The following NRAP variants were observed in gnomAD, a reference collection of about 807,000 sequenced individuals.
NRAP encodes nebulin-related-anchoring protein.
NRAP carries 189 observed loss-of-function variants against 225.9 expected under a neutral mutation model. That is an observed-to-expected ratio of 0.84 (90% CI 0.74 to 0.94). The LOEUF (loss-of-function observed/expected upper bound fraction) is 0.94, where lower values mean the gene tolerates loss of function less well. Among genes scored for constraint, NRAP ranks in the 40% least tolerant of loss-of-function variants. The pLI, the probability that NRAP is intolerant of heterozygous loss-of-function variation, is 0.00. For synonymous variants in NRAP, 769 were observed against 790.7 expected (o/e 0.97, Z 0.46); for missense variants, 2,176 against 2,168.7 (o/e 1.00, Z -0.07).
intron 3 of NRAP, among the ~76,000 whole-genome samples, chr10:113,660,296 A>G (rs1850589451): frequency 6.6e-6 from 1 of 151,976 alleles, no homozygotes; most frequent in Non-Finnish European, 1.5e-5. Context: ...CACACATCAC[A>G]TACACACATA....
Position 113,663,443 on chromosome 10 carries a change from A to G in NRAP, c.76T>C (p.Trp26Arg). The G allele has an allele frequency of 6.3e-7, 1 of 1,583,304 alleles. No individual in the cohort carries two copies. The highest frequency in any genetic ancestry group is 8.7e-7 in the Non-Finnish European group (1 of 1,151,962). The change falls in exon 2 of 42, where the codon TGG becomes CGG. Residue 26 changes from tryptophan to arginine, a missense_variant. Trp to Arg is a moderately radical substitution (Grantham distance 101, BLOSUM62 -3). Around this residue, in one of 3 missense-constraint regions of NRAP, gnomAD observed 1,708 missense variants for 1,695.5 expected, o/e 1.01. Coordinates refer to ENST00000359988, the MANE Select transcript of NRAP (RefSeq NM_198060.4). ...AEKISCIDQI[W>R]HKACFHCEVC... is the part of the protein sequence containing the mutation. ...TCACAGTGAAAACAGGCTTTATGCC[A>G]TATCTAGAAATCATATAGAGAAGAT...
chr10:113,615,955 C>T (rs1847639771), intron 26 of NRAP, 139 bp from the exon 27 acceptor site: 2 of 649,208 alleles, frequency 3.1e-6, no homozygotes, highest in South Asian at 1.7e-5. Context: ...TGCCTCCACC[C>T]AGATTTTACA....
At position 113,622,005 on chromosome 10, in the gene NRAP, A is replaced by G. The variant is rs776572594; in HGVS notation, c.2633T>C (p.Val878Ala). 1.2e-5 allele frequency: 19 copies of G among 1,614,190 alleles called. No homozygotes were observed. In the Admixed American group the frequency reaches 3.0e-4, roughly 25 times the overall value. ...KSQCHVSLDM[V>A]HLVHARKAQH... ...AGCTTTGCGGGCATGCACGAGGTGG[A>G]CCATGTCCAGGGAGACGTGGCATTG... The change falls in exon 24 of 42, where the codon GTC (valine) becomes GCC (alanine). Residue 878 changes from valine to alanine, a missense_variant. Val to Ala is a moderately conservative substitution (Grantham distance 64, BLOSUM62 0). Around this residue, in one of 3 missense-constraint regions of NRAP, gnomAD observed 1,708 missense variants for 1,695.5 expected, o/e 1.01. Transcript: ENST00000359988.
intron 28 of NRAP, 124 bp from the exon 29 acceptor site, chr10:113,614,420 G>T: frequency 1.4e-6 from 1 of 709,110 alleles, no homozygotes. Context: ...AAAAGAAAAT[G>T]CGCGGGAGTC....
chr10:113,590,471 T>C, intron 40 of NRAP, 107 bp downstream of exon 40: 1 of 1,112,040 alleles, frequency 9.0e-7, no homozygotes, highest in Non-Finnish European at 1.3e-6. Context: ...GGATTCTCTC[T>C]CAGCCCAGCT....
intron 25 of NRAP, among the ~76,000 whole-genome samples, chr10:113,620,010 T>G (rs1847896825): frequency 6.6e-6 from 1 of 151,968 alleles, no homozygotes; most frequent in Non-Finnish European, 1.5e-5. Context: ...AATCAAAACG[T>G]CAGTAGTGCC....
chr10:113,642,983 T>C lies in NRAP; in HGVS notation c.1166A>G (p.Glu389Gly), dbSNP rs1359188578. 1.9e-6 allele frequency: 3 copies of C among 1,609,330 alleles called. No homozygotes were observed. Among genetic ancestry groups the C allele is most frequent in the Middle Eastern group, 1.7e-4 (1 of 6,060 alleles). ...GCTCACGTTCCTGAATTGAGGTGTT[T>C]CACAGTAGTTGATACTGTGACCTCT... ...SSRGHSINYC[E>G]TPQFRNVSKI... The change falls in exon 12 of 42, where the codon GAA (glutamate) becomes GGA (glycine). Residue 389 changes from glutamate (E) to glycine (G), a missense_variant. Glu to Gly is a moderately conservative substitution (Grantham distance 98). Around this residue, in one of 3 missense-constraint regions of NRAP, gnomAD observed 1,708 missense variants for 1,695.5 expected, o/e 1.01. Transcript: ENST00000359988.
chr10:113,639,978 C>T (rs1028568227), intron 14 of NRAP, among the ~76,000 whole-genome samples: 1 of 152,214 alleles, frequency 6.6e-6, no homozygotes. Flanking sequence ...AGAGGAAAAA[C>T]TGAACCTCAG....
intron 37 of NRAP, 91 bp downstream of exon 37, chr10:113,596,995 C>T: frequency 3.7e-6 from 3 of 819,230 alleles, no homozygotes; most frequent in Non-Finnish European, 6.3e-6. Flanking sequence ...GTTTGCACCC[C>T]CATCTGTCCA....
chr10:113,637,667 T>A (rs1371783313), intron 14 of NRAP, among the ~76,000 whole-genome samples: 1 of 152,218 alleles, frequency 6.6e-6, no homozygotes, highest in East Asian at 1.9e-4. Context: ...CTCACGCCTG[T>A]AATCCCAGCA....
At position 113,641,394 on chromosome 10, in the gene NRAP, C is replaced by A. The variant is rs374156965; in HGVS notation, c.1294G>T (p.Ala432Ser). 86 of 1,613,518 alleles carry A rather than the reference C, an allele frequency of 5.3e-5. No homozygotes were observed. The highest frequency in any genetic ancestry group is 7.0e-5 in the Non-Finnish European group (83 of 1,179,690). ...GVGMDRRTLH[A>S]MKVGSLASNV... Reference sequence around the variant, plus strand: ...CTTGCCAGGCTGCCAACTTTCATAGCATGCAGAGTGCGTCTGTCCATACCA... The same window carrying A: ...CTTGCCAGGCTGCCAACTTTCATAGAATGCAGAGTGCGTCTGTCCATACCA... Residue 432 changes from alanine (A) to serine (S), a missense_variant, in exon 13 of 42, where the codon GCT becomes TCT. Ala to Ser is a moderately conservative substitution (Grantham distance 99). Coordinates refer to ENST00000359988, the MANE Select transcript of NRAP (RefSeq NM_198060.4).
Position 113,592,302 on chromosome 10 carries a change from C to G in NRAP, c.4537-1G>C. On this transcript the variant is annotated splice_acceptor_variant, in intron 38 of 41. Transcript: ENST00000359988. LOFTEE classifies it high-confidence loss of function. ...GCTCCCAGGAGTTTCTGTAGACTTT[C>G]TAGATTGGAAAAACAAAAGCATGAG... 6.2e-7 allele frequency: 1 copy of G among 1,605,256 alleles called. No homozygotes were observed.
At position 113,589,013 on chromosome 10, in the gene NRAP, T is replaced by A; in HGVS notation, c.5155A>T (p.Ile1719Phe). 6.2e-7 allele frequency: 1 copy of A among 1,614,020 alleles called. No individual in the cohort carries two copies. Among genetic ancestry groups the A allele is most frequent in the Non-Finnish European group, 8.5e-7 (1 of 1,179,994 alleles). ...SGEVNPDATE[I>F]LHVKKKKALL... ...GCCTTCTTCTTTTTGACGTGCAGAATCTCAGTGGCATCTGGGTTCACCTCC... is the reference window on the plus strand; with the variant it reads ...GCCTTCTTCTTTTTGACGTGCAGAAACTCAGTGGCATCTGGGTTCACCTCC... Residue 1719 changes from isoleucine to phenylalanine, a missense_variant, in exon 42 of 42, where the codon ATT becomes TTT. Physicochemically the swap from Ile to Phe is conservative, Grantham distance 21 (BLOSUM62 0). Around this residue, in one of 3 missense-constraint regions of NRAP, gnomAD observed 445 missense variants for 426.1 expected, o/e 1.04. Transcript: ENST00000359988.
intron 38 of NRAP, among the ~76,000 whole-genome samples, chr10:113,593,557 G>T (rs1027242944): frequency 6.6e-6 from 1 of 152,186 alleles, no homozygotes; most frequent in Non-Finnish European, 1.5e-5. Flanking sequence ...AGAACCGTTC[G>T]TTCCTGGGAT....
At position 113,597,180 on chromosome 10, in the gene NRAP, T is replaced by C. The variant is rs761315988; in HGVS notation, c.4337A>G (p.Lys1446Arg). The C allele has an allele frequency of 6.2e-7, 1 of 1,601,912 alleles. No individual in the cohort carries two copies. Among genetic ancestry groups the C allele is most frequent in the Admixed American group, 1.7e-5 (1 of 60,020 alleles). Residue 1446 changes from lysine to arginine, a missense_variant, in exon 37 of 42, where the codon AAG becomes AGG. Physicochemically the swap from Lys to Arg is conservative, Grantham distance 26 (BLOSUM62 2). This residue lies in a region of NRAP where 445 missense variants were observed against 426.1 expected (regional missense o/e 1.04). Transcript: ENST00000359988. ...KKAGELISETKYRKKPDSIKF... is the reference protein window; with the variant it reads ...KKAGELISETRYRKKPDSIKF... ...GATACTGTCTGGTTTTTTACGGTACTTGGTCTATAAGATAAAGACAAAGAT... is the reference window on the plus strand; with the variant it reads ...GATACTGTCTGGTTTTTTACGGTACCTGGTCTATAAGATAAAGACAAAGAT...
chr10:113,647,306 C>A (rs117223026), intron 9 of NRAP, among the ~76,000 whole-genome samples: 2 of 152,266 alleles, frequency 1.3e-5, no homozygotes, highest in East Asian at 1.9e-4. Flanking sequence ...CTCTACCACT[C>A]TCCCAGGCCC....
intron 25 of NRAP, among the ~76,000 whole-genome samples, chr10:113,620,100 T>C (rs964431830): frequency 6.6e-6 from 1 of 152,206 alleles, no homozygotes; most frequent in African/African-American, 2.4e-5. Context: ...CAAGCAGTGG[T>C]GCTGTAGGGT....
chr10:113,660,051 AACACACACACAC>A (rs142938392), intron 3 of NRAP, among the ~76,000 whole-genome samples: 5 of 144,336 alleles, frequency 3.5e-5, no homozygotes, highest in Non-Finnish European at 7.6e-5. Context: ...CTCAGTAGAC[AACACACACACAC>A]ACACACACAC....
intron 34 of NRAP, among the ~76,000 whole-genome samples, 164 bp from the exon 35 acceptor site, chr10:113,605,084 T>C (rs2133893369): frequency 6.6e-6 from 1 of 152,284 alleles, no homozygotes; most frequent in African/African-American, 2.4e-5. Flanking sequence ...AATTAAAACA[T>C]CGCTCCATTC....
Sources: gnomAD v4.1 joint callset for allele counts (sites outside exome capture counted in the v4.1 genomes callset) on GRCh38, gnomAD v4.1.1 for gene constraint, gnomAD v4.1.1 regional missense constraint, MANE v1.5 for transcripts, NCBI Gene and HGNC (gene_info 2026-07-23, HGNC 2026-07-21) for gene names.